Variants in CTNNA3 observed in about 807,000 individuals in gnomAD.
The protein encoded by CTNNA3 is catenin alpha 3.
In CTNNA3, 76 loss-of-function variants were observed where a neutral mutation model predicts 95.7. The observed-to-expected ratio is 0.79, with a 90% CI of 0.66 to 0.96. CTNNA3 has a LOEUF of 0.96. CTNNA3 is among the 40% of genes least tolerant of loss of function. The pLI, the probability that CTNNA3 is intolerant of heterozygous loss-of-function variation, is 0.00. For missense variants in CTNNA3, 1,191 were observed against 1,089.8 expected (o/e 1.09, Z -1.31); for synonymous variants, 431 against 374.4 (o/e 1.15, Z -1.74).
At chr10:66,773,741 A>G (rs980848002) in intron 8 of CTNNA3, among the ~76,000 whole-genome samples, 1 of 152,230 alleles carries the variant, frequency 6.6e-6, no homozygotes, top group Admixed American at 6.5e-5. Context: ...CAGAATGTTA[A>G]TACCTTCAGA....
intron 12 of CTNNA3, among the ~76,000 whole-genome samples, chr10:66,346,211 G>GTATATATATATA (rs368554085): frequency 9.5e-5 from 10 of 105,506 alleles, no homozygotes; most frequent in African/African-American, 1.5e-4. Context: ...ATGTGTGTGT[G>GTATATATATATA]TATATATATA....
chr10:66,084,432 G>T (rs1202729608), intron 14 of CTNNA3, among the ~76,000 whole-genome samples: 1 of 152,066 alleles, frequency 6.6e-6, no homozygotes, highest in Non-Finnish European at 1.5e-5. Context: ...AGTGGTATTA[G>T]TTTTGGAACT....
chr10:67,599,668 TA>T (rs1344670980), intron 3 of CTNNA3, among the ~76,000 whole-genome samples: 1 of 152,192 alleles, frequency 6.6e-6, no homozygotes, highest in Non-Finnish European at 1.5e-5. Context: ...AAGTACCATT[TA>T]AAATATCAGA....
intron 13 of CTNNA3, among the ~76,000 whole-genome samples, chr10:66,246,184 T>C (rs1017477110): frequency 2.6e-5 from 4 of 152,162 alleles, no homozygotes; most frequent in African/African-American, 9.7e-5. Flanking sequence ...GGCACCACAC[T>C]GAGAGCAGGG....
intron 9 of CTNNA3, among the ~76,000 whole-genome samples, chr10:66,717,998 T>G (rs972508070): frequency 1.3e-5 from 2 of 152,156 alleles, no homozygotes; most frequent in African/African-American, 4.8e-5. Flanking sequence ...GATTATATAT[T>G]ACAGACAGAA....
At position 67,396,752 on chromosome 10, in the gene CTNNA3, C is replaced by T. The variant is rs570365936; in HGVS notation, c.579+125090G>A. Among the ~76,000 whole-genome samples, 3 of 152,052 alleles carry T rather than the reference C, an allele frequency of 2.0e-5. No individual in the cohort carries two copies. In the East Asian group the frequency reaches 5.8e-4, roughly 29 times the overall value. On this transcript the variant is annotated intron_variant, in intron 5 of 17. Transcript: ENST00000433211. ...TCTTGAATTGTAGTTTCCATAATCCCCATGTGTCATGGGAGGGACACGGTG... is the reference window on the plus strand; with the variant it reads ...TCTTGAATTGTAGTTTCCATAATCCTCATGTGTCATGGGAGGGACACGGTG...
intron 10 of CTNNA3, among the ~76,000 whole-genome samples, chr10:66,553,640 G>T (rs1487251502): frequency 7.4e-6 from 1 of 135,330 alleles, no homozygotes; most frequent in Non-Finnish European, 1.5e-5. Flanking sequence ...CCATTCTCCT[G>T]CTTCAGCCTC....
chr10:67,602,234 TTTCA>T (rs1843105601), intron 3 of CTNNA3, among the ~76,000 whole-genome samples: 1 of 151,986 alleles, frequency 6.6e-6, no homozygotes, highest in South Asian at 2.1e-4. Context: ...TTAAAATATG[TTTCA>T]AGTATTTTGT....
At chr10:67,296,700 G>A (rs896458094) in intron 5 of CTNNA3, among the ~76,000 whole-genome samples, 3 of 151,928 alleles carry the variant, frequency 2.0e-5, no homozygotes, top group African/African-American at 7.3e-5. Context: ...TTGGGAGGCC[G>A]AGGCAGGAAG....
At chr10:67,647,830 TA>T (rs1472578149) in intron 1 of CTNNA3, among the ~76,000 whole-genome samples, 1 of 152,154 alleles carries the variant, frequency 6.6e-6, no homozygotes, top group East Asian at 1.9e-4. Context: ...ATCAGAAAGG[TA>T]AGACACATCT....
At chr10:66,434,632 T>G (rs2093323895) in intron 11 of CTNNA3, among the ~76,000 whole-genome samples, 1 of 152,178 alleles carries the variant, frequency 6.6e-6, no homozygotes, top group African/African-American at 2.4e-5. Flanking sequence ...TTGAATATAC[T>G]TTATTTCTAT....
chr10:66,938,219 T>C (rs958594617), intron 7 of CTNNA3, among the ~76,000 whole-genome samples: 3 of 152,118 alleles, frequency 2.0e-5, no homozygotes, highest in Non-Finnish European at 4.4e-5. Context: ...ACTCTTCTCA[T>C]TTACCATTTA....
intron 17 of CTNNA3, among the ~76,000 whole-genome samples, chr10:65,929,241 T>G (rs2077213762): frequency 6.6e-6 from 1 of 151,570 alleles, no homozygotes; most frequent in South Asian, 2.1e-4. Context: ...TTCCATGGTG[T>G]ATATGTGCCA....
rs568871655 is a variant in CTNNA3, at chr10:67,103,996, C to A, written c.1047+76321G>T. Among the ~76,000 whole-genome samples, 41 of 151,730 alleles carry A rather than the reference C, an allele frequency of 2.7e-4. No individual in the cohort carries two copies. In the South Asian group the frequency reaches 8.5e-3, roughly 32 times the overall value. On this transcript the variant is annotated intron_variant, in intron 7 of 17. Transcript: ENST00000433211. Reference sequence around the variant, plus strand: ...AGAAAAATCCTTCAAAACATAAATACCCTTGAATATTGATGTCATATTTTT... The same window carrying A: ...AGAAAAATCCTTCAAAACATAAATAACCTTGAATATTGATGTCATATTTTT...
At chr10:66,286,560 G>A (rs763699702) in intron 12 of CTNNA3, among the ~76,000 whole-genome samples, 6 of 152,076 alleles carry the variant, frequency 3.9e-5, no homozygotes, top group Non-Finnish European at 8.8e-5. Context: ...GGTCTGTAGT[G>A]TTAGCAAAAT....
At chr10:67,529,044 G>T (rs1840235490) in intron 4 of CTNNA3, among the ~76,000 whole-genome samples, 1 of 152,054 alleles carries the variant, frequency 6.6e-6, no homozygotes, top group Non-Finnish European at 1.5e-5. Context: ...AAATTGATAA[G>T]TATAAAAGGT....
intron 14 of CTNNA3, 48 bp from the exon 15 acceptor site, chr10:66,069,537 G>C (rs2080387384): frequency 7.0e-7 from 1 of 1,422,282 alleles, no homozygotes; most frequent in African/African-American, 1.4e-5. Context: ...TATGTCAAAA[G>C]CATTTTAGGA....
chr10:67,152,969 G>A (rs1363655475), intron 7 of CTNNA3, among the ~76,000 whole-genome samples: 2 of 151,760 alleles, frequency 1.3e-5, no homozygotes, highest in South Asian at 2.1e-4. Flanking sequence ...TACTAAAATC[G>A]CCCAGCAATC....
At chr10:66,683,899 T>C (rs774750923) in intron 9 of CTNNA3, among the ~76,000 whole-genome samples, 4 of 151,974 alleles carry the variant, frequency 2.6e-5, no homozygotes, top group Admixed American at 6.6e-5. Flanking sequence ...CCCAGCAAAA[T>C]TGCAAAGGTA....
Sources: gnomAD v4.1 joint callset for allele counts (sites outside exome capture counted in the v4.1 genomes callset) on GRCh38, gnomAD v4.1.1 for gene constraint, MANE v1.5 for transcripts, NCBI Gene and HGNC (gene_info 2026-07-23, HGNC 2026-07-21) for gene names.